The following ALPK1 variants were observed in gnomAD, a reference collection of about 807,000 sequenced individuals.
ALPK1 encodes alpha-protein kinase 1.
ALPK1 carries 110 observed loss-of-function variants against 120.6 expected under a neutral mutation model. The observed-to-expected ratio is 0.91, with a 90% confidence interval of 0.78 to 1.07. The LOEUF (loss-of-function observed/expected upper bound fraction) is 1.07. Among genes scored for constraint, ALPK1 ranks in the 50% least tolerant of loss-of-function variants. ALPK1 has a pLI of 0.00. For synonymous variants in ALPK1, 582 were observed against 560.3 expected, an observed-to-expected ratio of 1.04 and a Z score of -0.55; for missense variants, 1,498 against 1,483.9, an observed-to-expected ratio of 1.01 and a Z score of -0.16.
chr4:112,323,823 G>A (rs4834259), intron 2 of ALPK1, among the ~76,000 whole-genome samples: 57,297 of 151,904 alleles, frequency 0.38, 11,427 homozygotes, highest in Admixed American at 0.49. Flanking sequence ...TTTGGCAGAC[G>A]GCATGAAACT....
intron 4 of ALPK1, among the ~76,000 whole-genome samples, chr4:112,405,662 G>C (rs1178779267): frequency 1.3e-5 from 2 of 151,906 alleles, no homozygotes; most frequent in Non-Finnish European, 2.9e-5. Context: ...TGCAACCCCC[G>C]CCTCCCAGAT....
intron 5 of ALPK1, among the ~76,000 whole-genome samples, chr4:112,422,776 C>G (rs1255126577): frequency 2.0e-5 from 3 of 152,242 alleles, no homozygotes; most frequent in Non-Finnish European, 4.4e-5. Flanking sequence ...GCATTTGGTA[C>G]TGGCTGCCAG....
In ALPK1 at chr4:112,431,917, A is replaced by G; in HGVS notation, c.2370A>G (p.Glu790=). 6.2e-7 allele frequency: 1 copy of G among 1,614,088 alleles called. No individual in the cohort carries two copies. The highest frequency in any genetic ancestry group is 1.3e-5 in the African/African-American group (1 of 75,064). Residue 790 remains glutamate, a synonymous_variant, in exon 11 of 16, where the codon GAA becomes GAG. Coordinates refer to ENST00000650871, the MANE Select transcript of ALPK1 (RefSeq NM_025144.4). ...ASPSWVDPEG[E]TAESTEDAPL... ...CCTCCTGGGTTGACCCAGAAGGAGA[A>G]ACAGCAGAAAGCACTGAAGATGCAC...
intron 14 of ALPK1, 105 bp from the exon 15 acceptor site, chr4:112,440,812 A>AGTGGGTGT: frequency 7.5e-7 from 1 of 1,327,246 alleles, no homozygotes; most frequent in Non-Finnish European, 9.9e-7. Flanking sequence ...TATCTCTTTA[A>AGTGGGTGT]GTGTGTGTGT....
chr4:112,346,024 A>G (rs1387347294), intron 2 of ALPK1, among the ~76,000 whole-genome samples: 1 of 152,062 alleles, frequency 6.6e-6, no homozygotes, highest in Non-Finnish European at 1.5e-5. Flanking sequence ...CTGCCATGCC[A>G]GGCTAATTTT....
At chr4:112,329,016 T>C (rs1729239174) in intron 2 of ALPK1, among the ~76,000 whole-genome samples, 1 of 152,222 alleles carries the variant, frequency 6.6e-6, no homozygotes, top group South Asian at 2.1e-4. Context: ...TTCTACACAT[T>C]GGCCTCCCCA....
intron 2 of ALPK1, among the ~76,000 whole-genome samples, chr4:112,346,665 G>A (rs1311761378): frequency 2.6e-5 from 4 of 152,230 alleles, no homozygotes; most frequent in Non-Finnish European, 5.9e-5. Flanking sequence ...GTTTTGGTAT[G>A]TGAAATGCTT....
Position 112,333,822 on chromosome 4 carries a change from T to C in ALPK1, c.-101+17970T>C, listed in dbSNP as rs1335855109. On this transcript the variant is annotated intron_variant, in intron 2 of 15. Coordinates refer to ENST00000650871, the MANE Select transcript of ALPK1 (RefSeq NM_025144.4). ...GTGTAACTTGGTTAGACTCTCCTTC[T>C]GATATTTAGACACTTCTGCCCCACA... Among the ~76,000 whole-genome samples, 3 of 152,292 alleles carry C rather than the reference T, an allele frequency of 2.0e-5. No individual in the cohort carries two copies. In the East Asian group the frequency reaches 5.8e-4, roughly 29 times the overall value.
chr4:112,405,018 C>T (rs986199374), intron 4 of ALPK1, among the ~76,000 whole-genome samples: 5 of 152,162 alleles, frequency 3.3e-5, no homozygotes, highest in Admixed American at 6.5e-5. Flanking sequence ...TTCCTATGTT[C>T]ATTTCAGGTG....
chr4:112,330,632 C>A (rs1160418227), intron 2 of ALPK1, among the ~76,000 whole-genome samples: 7 of 152,196 alleles, frequency 4.6e-5, no homozygotes, highest in Non-Finnish European at 1.0e-4. Context: ...TTGGGTGAAA[C>A]AAGACCATAT....
intron 2 of ALPK1, among the ~76,000 whole-genome samples, chr4:112,321,983 C>A (rs1320185084): frequency 1.3e-5 from 2 of 151,740 alleles, no homozygotes; most frequent in Non-Finnish European, 2.9e-5. Context: ...CAGTAGAGGG[C>A]GGCAGTGAGG....
Position 112,356,307 on chromosome 4 carries a change from G to A in ALPK1, c.-100-21371G>A, listed in dbSNP as rs997159163. 5.2e-6 allele frequency: 5 copies of A among 968,062 alleles called. No homozygotes were observed. In the African/African-American group the frequency reaches 6.4e-5, roughly 12 times the overall value. The allele number at this position is 968,062 out of a possible 1,614,324, so 60.0% of individuals were successfully genotyped here. ...CTCCTGTGCACCACCCTGGCCTGGC[G>A]AGAACACCTCCAAGACACCATCTTT... On this transcript the variant is annotated intron_variant, in intron 2 of 15. Transcript: ENST00000650871.
chr4:112,438,429 C>T, intron 12 of ALPK1, 55 bp from the exon 13 acceptor site: 1 of 1,531,240 alleles, frequency 6.5e-7, no homozygotes, highest in Non-Finnish European at 9.0e-7. Context: ...TCTCTTACTC[C>T]ATAGTAAGTA....
intron 2 of ALPK1, among the ~76,000 whole-genome samples, chr4:112,329,813 A>C (rs1477184340): frequency 6.6e-6 from 1 of 152,194 alleles, no homozygotes; most frequent in East Asian, 1.9e-4. Context: ...GAAGACACAC[A>C]CAAGGGTGGG....
At chr4:112,390,468 T>C (rs909466501) in intron 4 of ALPK1, among the ~76,000 whole-genome samples, 8 of 152,160 alleles carry the variant, frequency 5.3e-5, no homozygotes, top group Non-Finnish European at 1.2e-4. Flanking sequence ...TTTACATTTG[T>C]TTGTGGGGTT....
At chr4:112,349,551 G>GCACCC (rs71595592) in intron 2 of ALPK1, among the ~76,000 whole-genome samples, 1 of 103,714 alleles carries the variant, frequency 9.6e-6, no homozygotes, top group African/African-American at 4.1e-5. Context: ...CCCAACCCCT[G>GCACCC]CCCCCCCCCG....
intron 1 of ALPK1, among the ~76,000 whole-genome samples, chr4:112,309,109 G>A (rs571185643): frequency 6.6e-6 from 1 of 152,248 alleles, no homozygotes; most frequent in South Asian, 2.1e-4. Context: ...TCCTCTGGAA[G>A]CTTCATCTCA....
At chr4:112,338,502 T>G (rs963580148) in intron 2 of ALPK1, among the ~76,000 whole-genome samples, 1 of 152,010 alleles carries the variant, frequency 6.6e-6, no homozygotes. Flanking sequence ...AATTAGAAAG[T>G]GATACTAAAC....
intron 11 of ALPK1, 85 bp from the exon 12 acceptor site, chr4:112,435,063 G>T: frequency 7.4e-7 from 1 of 1,353,156 alleles, no homozygotes; most frequent in Non-Finnish European, 1.0e-6. Flanking sequence ...GTGAGCTGGC[G>T]TAGGACCTGT....
Sources: gnomAD v4.1 joint callset for allele counts (sites outside exome capture counted in the v4.1 genomes callset) on GRCh38, gnomAD v4.1.1 for gene constraint, MANE v1.5 for transcripts, NCBI Gene and HGNC (gene_info 2026-07-23, HGNC 2026-07-21) for gene names.